The following NAA40 variants were observed in gnomAD, a reference collection of about 807,000 sequenced individuals.
NAA40 encodes the protein N-alpha-acetyltransferase 40, NatD catalytic subunit, also known as N-alpha-acetyltransferase 40.
NAA40 carries 26 observed loss-of-function variants against 36.6 expected under a neutral mutation model. The observed-to-expected ratio is 0.71, with a 90% CI of 0.52 to 0.98. The LOEUF (loss-of-function observed/expected upper bound fraction) is 0.98. NAA40 is among the 50% of genes least tolerant of loss of function. The pLI, the probability that NAA40 is intolerant of heterozygous loss-of-function variation, is 0.00. For missense variants in NAA40, 237 were observed against 306.5 expected (o/e 0.77, Z 1.69); for synonymous variants, 129 against 108.4 (o/e 1.19, Z -1.18).
intron 1 of NAA40, among the ~76,000 whole-genome samples, chr11:63,945,050 C>T (rs1337440287): frequency 6.6e-6 from 1 of 152,186 alleles, no homozygotes; most frequent in Non-Finnish European, 1.5e-5. Context: ...GGCCTCAAAA[C>T]AGGACCTGAT....
chr11:63,949,447 C>T (rs1296875733), intron 3 of NAA40, among the ~76,000 whole-genome samples: 1 of 152,000 alleles, frequency 6.6e-6, no homozygotes, highest in African/African-American at 2.4e-5. Flanking sequence ...CAACCCTCAC[C>T]CTGTTTGCTG....
chr11:63,947,118 A>G (rs762041463), intron 3 of NAA40, 115 bp downstream of exon 3: 81 of 1,163,482 alleles, frequency 7.0e-5, no homozygotes, highest in Admixed American at 1.6e-4. Flanking sequence ...TATTTACGAA[A>G]AAACAGGGCT....
At chr11:63,943,158 A>G (rs1720428908) in intron 1 of NAA40, among the ~76,000 whole-genome samples, 1 of 152,102 alleles carries the variant, frequency 6.6e-6, no homozygotes, top group Admixed American at 6.5e-5. Context: ...CCCCATCTTC[A>G]TGGAGATGGA....
Position 63,954,041 on chromosome 11 carries a change from A to G in NAA40, c.564A>G (p.Glu188=), listed in dbSNP as rs1590760500. The part of the protein sequence containing the change: ...HNHGAYQFFR[E]ALQFEIDDSS... ...ATGGTGCCTACCAGTTCTTCAGAGAAGCGTTGCAGTAAGGAGCTGGGTGTG... is the reference window on the plus strand; with the variant it reads ...ATGGTGCCTACCAGTTCTTCAGAGAGGCGTTGCAGTAAGGAGCTGGGTGTG... Residue 188 remains glutamate (E), a synonymous_variant, in exon 7 of 8, where the codon GAA becomes GAG. Transcript: ENST00000377793. The G allele has an allele frequency of 3.1e-6, 5 of 1,614,094 alleles. No homozygotes were observed. The highest frequency in any genetic ancestry group is 4.2e-6 in the Non-Finnish European group (5 of 1,180,010).
chr11:63,951,147 G>T (rs1014692434), intron 3 of NAA40, among the ~76,000 whole-genome samples: 1 of 152,196 alleles, frequency 6.6e-6, no homozygotes, highest in African/African-American at 2.4e-5. Context: ...TATTGATACG[G>T]GAGCTCTTTA....
At chr11:63,941,500 A>G (rs1377515940) in intron 1 of NAA40, among the ~76,000 whole-genome samples, 2 of 152,132 alleles carry the variant, frequency 1.3e-5, no homozygotes, top group African/African-American at 4.8e-5. Flanking sequence ...AGAGATGCCA[A>G]ATTCTTTTTC....
At chr11:63,944,409 C>T (rs1359712470) in intron 1 of NAA40, among the ~76,000 whole-genome samples, 1 of 152,156 alleles carries the variant, frequency 6.6e-6, no homozygotes, top group African/African-American at 2.4e-5. Flanking sequence ...CTTTGGGATG[C>T]CTTCTGGGGA....
At chr11:63,948,495 G>A (rs1270190838) in intron 3 of NAA40, among the ~76,000 whole-genome samples, 1 of 151,978 alleles carries the variant, frequency 6.6e-6, no homozygotes, top group African/African-American at 2.4e-5. Flanking sequence ...GAGGTGGGCG[G>A]ATCACGAGGT....
chr11:63,953,951 G>T (rs772513524), intron 6 of NAA40, 21 bp from the exon 7 acceptor site: 4 of 1,611,206 alleles, frequency 2.5e-6, no homozygotes, highest in Non-Finnish European at 1.7e-6. Context: ...TCTAAAAGGC[G>T]TTTGCTCTGC....
At chr11:63,939,329 C>A in intron 1 of NAA40, 1 of 1,266,754 alleles carries the variant, frequency 7.9e-7, no homozygotes. Context: ...CTCGGCGCCC[C>A]CAGCGTCACG....
chr11:63,945,480 A>C (rs1173354916), intron 1 of NAA40, among the ~76,000 whole-genome samples: 1 of 152,074 alleles, frequency 6.6e-6, no homozygotes, highest in Non-Finnish European at 1.5e-5. Context: ...AGTGTGTCTA[A>C]AGTTGGGTGT....
At chr11:63,949,992 C>T (rs1160219620) in intron 3 of NAA40, among the ~76,000 whole-genome samples, 1 of 151,992 alleles carries the variant, frequency 6.6e-6, no homozygotes, top group African/African-American at 2.4e-5. Context: ...GATCCGCCCG[C>T]CTCGGCCTCC....
At chr11:63,953,881 T>C in intron 6 of NAA40, 91 bp from the exon 7 acceptor site, 1 of 1,086,678 alleles carries the variant, frequency 9.2e-7, no homozygotes, top group Non-Finnish European at 1.4e-6. Context: ...CCTCCCACCT[T>C]TGCCCCTCAA....
chr11:63,939,315 C>A (rs1257453519), intron 1 of NAA40: 4 of 1,258,586 alleles, frequency 3.2e-6, no homozygotes, highest in Admixed American at 8.4e-5. Context: ...CGGGGCCCCA[C>A]CCCCTCGGCG....
Position 63,954,590 on chromosome 11 carries a change from G to A in NAA40, c.*111G>A, listed in dbSNP as rs1942334832. On this transcript the variant is annotated 3_prime_UTR_variant, in exon 8 of 8. Coordinates refer to ENST00000377793, the MANE Select transcript of NAA40 (RefSeq NM_024771.4). The stretch of plus-strand genomic sequence containing the variant: ...AGCTGTGGCCTCCCCAGCCCTGCAC[G>A]TGCCAGGCTGCGCCCTGAGAGCACA... The A allele has an allele frequency of 7.0e-6, 9 of 1,284,598 alleles. No individual in the cohort carries two copies. Among genetic ancestry groups the A allele is most frequent in the South Asian group, 6.9e-5 (4 of 57,840 alleles). 79.6% of individuals were successfully genotyped at this position (1,284,598 alleles called of 1,614,324 possible). A position where few individuals can be genotyped will look rare whatever the true frequency, so the allele number is the denominator to read the frequency against.
chr11:63,952,537 G>C lies in NAA40; in HGVS notation c.382G>C (p.Val128Leu), dbSNP rs146570124. Residue 128 changes from valine to leucine, a missense_variant, in exon 5 of 8, where the codon GTG (valine) becomes CTG (leucine). Val to Leu is a conservative substitution (Grantham distance 32, BLOSUM62 1). Transcript: ENST00000377793. ...TGCCTTTTCTCACTTCCGGTTTGAC[G>C]TGGAGTGTGGGGATGAAGTCCTGTA... The part of the protein sequence containing the change: ...PVAFSHFRFD[V>L]ECGDEVLYCY... 1 of 1,614,166 alleles carries C rather than the reference G, an allele frequency of 6.2e-7. No homozygotes were observed. Among genetic ancestry groups the C allele is most frequent in the Admixed American group, 1.7e-5 (1 of 60,024 alleles).
At position 63,940,694 on chromosome 11, in the gene NAA40, G is replaced by GT. The variant is rs564579781; in HGVS notation, c.6+1603dup. On this transcript the variant is annotated intron_variant, in intron 1 of 7. Coordinates refer to ENST00000377793, the MANE Select transcript of NAA40 (RefSeq NM_024771.4). The stretch of plus-strand genomic sequence containing the variant: ...GTTTGTCCCTACTGTTGTTAACCTA[G>GT]TTTTTTTTTTTCCCGTCACTCCACT... Among the ~76,000 whole-genome samples, 506 of 147,126 alleles carry GT rather than the reference G, an allele frequency of 3.4e-3. 2 individuals carry two copies. Among genetic ancestry groups the GT allele is most frequent in the African/African-American group, 0.01 (422 of 40,360 alleles).
Position 63,957,311 on chromosome 11 carries a change from CTT to C in NAA40, c.*2834_*2835del, listed in dbSNP as rs1357130044. ...ATTTGTATGTCACAAATAAAAGACA[CTT>C]TGGTCAGCTGCTGAGATGGCTTCCT... On this transcript the variant is annotated 3_prime_UTR_variant, in exon 8 of 8. Transcript: ENST00000377793. The C allele has an allele frequency of 4.6e-5, 7 of 151,624 alleles. No individual in the cohort carries two copies. The highest frequency in any genetic ancestry group is 1.0e-4 in the Non-Finnish European group (7 of 67,988). 9.4% of individuals were successfully genotyped at this position (151,624 alleles called of 1,614,324 possible).
intron 2 of NAA40, 48 bp from the exon 3 acceptor site, chr11:63,946,903 C>G (rs199849714): frequency 1.5e-5 from 24 of 1,611,148 alleles, no homozygotes; most frequent in Non-Finnish European, 2.0e-5. Context: ...AGGATCTGCA[C>G]CTCCGCCCCA....
Sources: allele counts gnomAD v4.1 joint callset (sites outside exome capture counted in the v4.1 genomes callset), GRCh38; gene constraint gnomAD v4.1.1; transcripts MANE v1.5; gene names NCBI Gene and HGNC (gene_info 2026-07-23, HGNC 2026-07-21).